CASTOR2: variants seen among roughly 807,000 people sequenced by gnomAD.
CASTOR2 encodes cytosolic arginine sensor for mTORC1 subunit 2.
A neutral mutation model predicts 31.2 loss-of-function variants in CASTOR2; 8 were observed. That is an observed-to-expected ratio of 0.26 (90% CI 0.15 to 0.46). The LOEUF (loss-of-function observed/expected upper bound fraction) is 0.46, where lower values mean the gene tolerates loss of function less well. Among genes scored for constraint, CASTOR2 ranks in the 20% least tolerant of loss-of-function variants. CASTOR2 has a pLI of 0.99. For synonymous variants in CASTOR2, 162 were observed against 158.7 expected, an observed-to-expected ratio of 1.02 and a Z score of -0.16; for missense variants, 216 against 382.1, an observed-to-expected ratio of 0.57 and a Z score of 3.62.
chr7:74,994,338 G>A (rs1804287358), intron 1 of CASTOR2, among the ~76,000 whole-genome samples: 1 of 152,154 alleles, frequency 6.6e-6, no homozygotes, highest in Admixed American at 6.6e-5. Flanking sequence ...ACTCTGGCAG[G>A]GCGAGGGGAC....
intron 1 of CASTOR2, among the ~76,000 whole-genome samples, chr7:75,000,015 T>C (rs1416115176): frequency 1.3e-5 from 2 of 151,916 alleles, no homozygotes; most frequent in Non-Finnish European, 2.9e-5. Flanking sequence ...TCGCTTGAGG[T>C]CAGGAATTCG....
At position 75,022,042 on chromosome 7, in the gene CASTOR2, C is replaced by T. The variant is rs1045470323; in HGVS notation, c.829+86C>T. On this transcript the variant is annotated intron_variant, in intron 7 of 8. Coordinates refer to ENST00000616305, the MANE Select transcript of CASTOR2 (RefSeq NM_001145064.3). ...ATACGTTGTCCGCAGTGACTCGGCCCCTGCTGGGGGGTACAGATGGGGAGA... is the reference window on the plus strand; with the variant it reads ...ATACGTTGTCCGCAGTGACTCGGCCTCTGCTGGGGGGTACAGATGGGGAGA... 1.4e-4 allele frequency: 207 copies of T among 1,479,164 alleles called. No homozygotes were observed. The East Asian group carries it at 3.2e-3, about 23-fold the overall frequency. 91.6% of individuals were successfully genotyped at this position (1,479,164 alleles called of 1,614,324 possible).
rs1332319513 is a variant in CASTOR2, at chr7:75,025,167, G to A, written c.*468G>A. On this transcript the variant is annotated 3_prime_UTR_variant, in exon 9 of 9. Coordinates refer to ENST00000616305, the MANE Select transcript of CASTOR2 (RefSeq NM_001145064.3). ...TTTGGGGGTGAGTACTGTGGTCACT[G>A]GTCTCTGCTTCCATCAGCTCAGGGC... Among the ~76,000 whole-genome samples, 3 of 152,206 alleles carry A rather than the reference G, an allele frequency of 2.0e-5. No homozygotes were observed. The highest frequency in any genetic ancestry group is 4.8e-5 in the African/African-American group (2 of 41,456).
chr7:75,008,623 G>C (rs1334656032), intron 2 of CASTOR2, among the ~76,000 whole-genome samples: 1 of 152,164 alleles, frequency 6.6e-6, no homozygotes, highest in African/African-American at 2.4e-5. Flanking sequence ...TTGAGCCCAG[G>C]AGTTGGAGGC....
rs1805082947 is a variant in CASTOR2 at position 75,024,784 on chromosome 7, G to A, written c.*85G>A. 6.4e-7 allele frequency: 1 copy of A among 1,550,866 alleles called. No individual in the cohort carries two copies. The highest frequency in any genetic ancestry group is 8.7e-7 in the Non-Finnish European group (1 of 1,146,808). On this transcript the variant is annotated 3_prime_UTR_variant, in exon 9 of 9. Coordinates refer to ENST00000616305, the MANE Select transcript of CASTOR2 (RefSeq NM_001145064.3). ...ATCTTGCAGTATTTCTCTACAGACT[G>A]GAAAATCAGCCTGGGGACCCTGAGG...
Position 75,017,573 on chromosome 7 carries a change from G to A in CASTOR2, c.185-25G>A, listed in dbSNP as rs1484062377. Reference sequence around the variant, plus strand: ...TCATCTGGAACCTCAGCAGTCACAGGACTGCCTTCTGTGTCTCCCTCCAGA... The same window carrying A: ...TCATCTGGAACCTCAGCAGTCACAGAACTGCCTTCTGTGTCTCCCTCCAGA... On this transcript the variant is annotated intron_variant, in intron 2 of 8. Transcript: ENST00000616305. 11,602 of 1,611,782 alleles carry A rather than the reference G, an allele frequency of 7.2e-3. 116 individuals are homozygous for A. The highest frequency in any genetic ancestry group is 0.033 in the South Asian group (3,007 of 90,850).
chr7:74,990,044 A>AT (rs1198166667), intron 1 of CASTOR2, among the ~76,000 whole-genome samples: 2 of 152,092 alleles, frequency 1.3e-5, no homozygotes, highest in Non-Finnish European at 2.9e-5. Context: ...TTAAAAAAAA[A>AT]TACACATCTA....
rs1425237459 is a variant in CASTOR2 at position 75,018,000 on chromosome 7, G to A, written c.389G>A (p.Arg130Gln). 5.0e-6 allele frequency: 8 copies of A among 1,614,064 alleles called. No homozygotes were observed. The South Asian group carries it at 5.5e-5, about 11-fold the overall frequency. Residue 130 changes from arginine (R) to glutamine (Q), a missense_variant, in exon 4 of 9, where the codon CGG (arginine) becomes CAG (glutamine). Arg to Gln is a conservative substitution (Grantham distance 43, BLOSUM62 1). Coordinates refer to ENST00000616305, the MANE Select transcript of CASTOR2 (RefSeq NM_001145064.3). The stretch of plus-strand genomic sequence containing the variant: ...ACTTCTTGCCCCTAGGTGCGCGAGC[G>A]GGACCTGCCCTTTGTCACCCACACA... ...YQTDFILVRE[R>Q]DLPFVTHTLS... is the part of the protein sequence containing the mutation.
At position 75,029,412 on chromosome 7, in the gene CASTOR2, C is replaced by T. The variant is rs1273851240; in HGVS notation, c.*4713C>T. Among the ~76,000 whole-genome samples the T allele has an allele frequency of 4.1e-5, 6 of 147,432 alleles. No homozygotes were observed. Among genetic ancestry groups the T allele is most frequent in the Admixed American group, 2.1e-4 (3 of 14,556 alleles). ...AGGCTGGAGTGCAGTGGTGCGATCT[C>T]GGTTCGCTGCAACCTCTGCTTCCCA... is the stretch of plus-strand genomic sequence containing the variant. On this transcript the variant is annotated 3_prime_UTR_variant, in exon 9 of 9. Coordinates refer to ENST00000616305, the MANE Select transcript of CASTOR2 (RefSeq NM_001145064.3).
At position 75,024,980 on chromosome 7, in the gene CASTOR2, G is replaced by A. The variant is rs1023548332; in HGVS notation, c.*281G>A. ...GAAAATGCTTTCGGAGGCCCAGGGA[G>A]CTTGTGAGCTGATCCGCCTTCTCAT... is the stretch of plus-strand genomic sequence containing the variant. On this transcript the variant is annotated 3_prime_UTR_variant, in exon 9 of 9. Transcript: ENST00000616305. Among the ~76,000 whole-genome samples, 195 of 152,338 alleles carry A rather than the reference G, an allele frequency of 1.3e-3. No individual in the cohort carries two copies. Among genetic ancestry groups the A allele is most frequent in the Middle Eastern group, 3.4e-3 (1 of 294 alleles).
At chr7:75,008,377 GA>G (rs1358275452) in intron 2 of CASTOR2, among the ~76,000 whole-genome samples, 1 of 152,136 alleles carries the variant, frequency 6.6e-6, no homozygotes, top group African/African-American at 2.4e-5. Flanking sequence ...CAACCCAGAA[GA>G]AAAGGAACAT....
At position 75,028,269 on chromosome 7, in the gene CASTOR2, C is replaced by A. The variant is rs932695889; in HGVS notation, c.*3570C>A. ...CCAAGTAGGTGAGATTACAGGCACTCACCACCACACGCGGCTAATTTTTGT... is the reference window on the plus strand; with the variant it reads ...CCAAGTAGGTGAGATTACAGGCACTAACCACCACACGCGGCTAATTTTTGT... On this transcript the variant is annotated 3_prime_UTR_variant, in exon 9 of 9. Transcript: ENST00000616305. Among the ~76,000 whole-genome samples the A allele has an allele frequency of 5.3e-5, 8 of 152,046 alleles. No homozygotes were observed. The highest frequency in any genetic ancestry group is 1.9e-4 in the African/African-American group (8 of 41,382).
intron 1 of CASTOR2, among the ~76,000 whole-genome samples, chr7:74,989,630 G>T (rs1481658928): frequency 2.0e-5 from 3 of 147,754 alleles, no homozygotes; most frequent in Non-Finnish European, 4.5e-5. Context: ...TGCCCAGGCT[G>T]GTCTTGAACT....
At chr7:75,013,424 C>A (rs1488876906) in intron 2 of CASTOR2, among the ~76,000 whole-genome samples, 15 of 152,016 alleles carry the variant, frequency 9.9e-5, no homozygotes, top group Non-Finnish European at 1.8e-4. Context: ...GCAGGTAGAT[C>A]GCTTGAGCCC....
intron 1 of CASTOR2, among the ~76,000 whole-genome samples, chr7:75,000,537 A>G (rs1489180253): frequency 2.6e-5 from 4 of 152,146 alleles, no homozygotes; most frequent in African/African-American, 9.7e-5. Context: ...AGGCGCCCAT[A>G]ACATCCAAGA....
intron 1 of CASTOR2, 131 bp from the exon 2 acceptor site, chr7:75,007,863 G>A (rs1554438918): frequency 0.011 from 13,909 of 1,238,666 alleles, 84 homozygotes; most frequent in Non-Finnish European, 0.014. Flanking sequence ...CAACTTACCC[G>A]CGGTCACCCC....
chr7:74,992,100 G>A (rs1450128377), intron 1 of CASTOR2, among the ~76,000 whole-genome samples: 1 of 151,978 alleles, frequency 6.6e-6, no homozygotes, highest in Non-Finnish European at 1.5e-5. Flanking sequence ...ATGGTGAATC[G>A]AGTGGCACAC....
chr7:75,013,485 A>T (rs1554439661), intron 2 of CASTOR2, among the ~76,000 whole-genome samples: 2 of 151,892 alleles, frequency 1.3e-5, no homozygotes, highest in East Asian at 1.9e-4. Context: ...TCTACAAACA[A>T]TACAAAAATT....
Position 75,026,343 on chromosome 7 carries a change from C to T in CASTOR2, c.*1644C>T, listed in dbSNP as rs1000374940. Among the ~76,000 whole-genome samples, 7 of 152,052 alleles carry T rather than the reference C, an allele frequency of 4.6e-5. 1 individual carries two copies. Among genetic ancestry groups the T allele is most frequent in the Non-Finnish European group, 5.9e-5 (4 of 68,018 alleles). ...TAGCTGGGATTACAGGCACGCACCA[C>T]CACGTCTGGCTAGTTATTGTATTTT... On this transcript the variant is annotated 3_prime_UTR_variant, in exon 9 of 9. Transcript: ENST00000616305.
Sources: allele counts gnomAD v4.1 joint callset (sites outside exome capture counted in the v4.1 genomes callset), GRCh38; gene constraint gnomAD v4.1.1; transcripts MANE v1.5; gene names NCBI Gene and HGNC (gene_info 2026-07-23, HGNC 2026-07-21).